The following PCP4 variants were observed in gnomAD, a reference collection of about 807,000 sequenced individuals.
PCP4 encodes Purkinje cell protein 4.
In PCP4, 8 loss-of-function variants were observed where a neutral mutation model predicts 10.0. The observed-to-expected ratio is 0.80, with a 90% CI of 0.47 to 1.45. The LOEUF (loss-of-function observed/expected upper bound fraction) is 1.45. Among genes scored for constraint, PCP4 ranks in the 40% most tolerant of loss-of-function variants. The probability of loss-of-function intolerance (pLI) is 0.00; values close to 1 mark genes in which losing one functional copy is unlikely to be tolerated. For missense variants in PCP4, 54 were observed against 74.4 expected (o/e 0.73, Z 1.01); for synonymous variants, 21 against 23.0 (o/e 0.91, Z 0.24).
At chr21:39,912,553 C>G (rs756959261) in intron 2 of PCP4, among the ~76,000 whole-genome samples, 2 of 152,000 alleles carry the variant, frequency 1.3e-5, no homozygotes, top group Non-Finnish European at 2.9e-5. Flanking sequence ...TCACATTTAA[C>G]CAGGCCCCAT....
At chr21:39,921,581 C>T (rs2087596757) in intron 2 of PCP4, among the ~76,000 whole-genome samples, 1 of 152,296 alleles carries the variant, frequency 6.6e-6, no homozygotes, top group South Asian at 2.1e-4. Context: ...TGAGCCGTGT[C>T]GTCTCCCCAC....
chr21:39,902,651 C>T (rs558650407), intron 2 of PCP4, among the ~76,000 whole-genome samples: 3 of 152,168 alleles, frequency 2.0e-5, no homozygotes, highest in African/African-American at 7.2e-5. Flanking sequence ...CACACTCAAA[C>T]CCGATGTTTC....
chr21:39,881,712 A>G (rs913882681), intron 1 of PCP4, among the ~76,000 whole-genome samples: 8 of 152,202 alleles, frequency 5.3e-5, no homozygotes, highest in African/African-American at 1.9e-4. Context: ...TTGCTTTAAA[A>G]TAAGAGAGGG....
chr21:39,927,323 A>ATCATCTATCTATCTG (rs1568863776), intron 2 of PCP4, among the ~76,000 whole-genome samples: 1 of 28,228 alleles, frequency 3.5e-5, no homozygotes, highest in African/African-American at 1.2e-4. Flanking sequence ...TCTATCTATC[A>ATCATCTATCTATCTG]TCTATCTATC....
At chr21:39,895,554 C>A (rs756695900) in intron 1 of PCP4, among the ~76,000 whole-genome samples, 4 of 152,246 alleles carry the variant, frequency 2.6e-5, no homozygotes, top group Non-Finnish European at 5.9e-5. Context: ...CCAGAGCCAG[C>A]TTCTTGGGGG....
chr21:39,875,465 C>G (rs528420450), intron 1 of PCP4, among the ~76,000 whole-genome samples: 1 of 152,316 alleles, frequency 6.6e-6, no homozygotes, highest in East Asian at 1.9e-4. Context: ...GATCATAACT[C>G]TGCATCTTCC....
chr21:39,887,821 A>AAACAGG (rs2087408046), intron 1 of PCP4, among the ~76,000 whole-genome samples: 1 of 152,194 alleles, frequency 6.6e-6, no homozygotes, highest in African/African-American at 2.4e-5. Flanking sequence ...GTTTCTTTAT[A>AAACAGG]AACAGGGTGA....
intron 1 of PCP4, among the ~76,000 whole-genome samples, chr21:39,891,993 G>A (rs1303932027): frequency 6.6e-6 from 1 of 152,216 alleles, no homozygotes; most frequent in Non-Finnish European, 1.5e-5. Context: ...CTGCAGGCAG[G>A]CCTGGATAAT....
chr21:39,926,388 C>T (rs538637120), intron 2 of PCP4, among the ~76,000 whole-genome samples: 7 of 152,062 alleles, frequency 4.6e-5, no homozygotes, highest in African/African-American at 9.7e-5. Context: ...ATAATATTGC[C>T]GCTTTCTTCC....
chr21:39,919,385 T>C (rs1409223286), intron 2 of PCP4, among the ~76,000 whole-genome samples: 1 of 152,242 alleles, frequency 6.6e-6, no homozygotes, highest in East Asian at 1.9e-4. Flanking sequence ...AATACCCCAA[T>C]TGCAAGGCAT....
chr21:39,875,892 C>G (rs1019179297), intron 1 of PCP4, among the ~76,000 whole-genome samples: 7 of 151,940 alleles, frequency 4.6e-5, no homozygotes, highest in Non-Finnish European at 8.8e-5. Flanking sequence ...TTCCAATAGA[C>G]TTTTTGGTAA....
At chr21:39,880,130 G>GTATCTATATCTA (rs57501558) in intron 1 of PCP4, among the ~76,000 whole-genome samples, 8,523 of 141,524 alleles carry the variant, frequency 0.06, 365 homozygotes, top group East Asian at 0.11. Flanking sequence ...ATCTATATCT[G>GTATCTATATCTA]TATCTATATC....
At chr21:39,876,594 C>T (rs568833926) in intron 1 of PCP4, among the ~76,000 whole-genome samples, 1 of 152,318 alleles carries the variant, frequency 6.6e-6, no homozygotes, top group East Asian at 1.9e-4. Context: ...GGCAGTGTGT[C>T]TGGGACAATC....
chr21:39,882,637 G>A (rs547204488), intron 1 of PCP4, among the ~76,000 whole-genome samples: 5 of 152,338 alleles, frequency 3.3e-5, no homozygotes, highest in African/African-American at 1.2e-4. Context: ...GGACAGGCAG[G>A]CATCCTTAGT....
intron 1 of PCP4, among the ~76,000 whole-genome samples, chr21:39,895,719 GA>G (rs2087453723): frequency 6.6e-6 from 1 of 152,214 alleles, no homozygotes; most frequent in African/African-American, 2.4e-5. Flanking sequence ...GATGGTGCTT[GA>G]GCGCCCTTGA....
At chr21:39,912,707 C>A (rs945831478) in intron 2 of PCP4, among the ~76,000 whole-genome samples, 1 of 152,024 alleles carries the variant, frequency 6.6e-6, no homozygotes, top group African/African-American at 2.4e-5. Flanking sequence ...TTAATTTAAT[C>A]TATTTTTATT....
At chr21:39,873,423 ATAAT>A (rs1471685785) in intron 1 of PCP4, among the ~76,000 whole-genome samples, 1 of 152,154 alleles carries the variant, frequency 6.6e-6, no homozygotes, top group Non-Finnish European at 1.5e-5. Context: ...ATTAAAATAA[ATAAT>A]TGATATTTGA....
intron 1 of PCP4, among the ~76,000 whole-genome samples, chr21:39,882,466 G>A (rs983652690): frequency 1.3e-5 from 2 of 152,148 alleles, no homozygotes; most frequent in African/African-American, 4.8e-5. Flanking sequence ...AGGACTGGGG[G>A]AATGGAAAGC....
chr21:39,868,567 C>T (rs1162417412), intron 1 of PCP4, among the ~76,000 whole-genome samples: 2 of 152,308 alleles, frequency 1.3e-5, no homozygotes, highest in East Asian at 1.9e-4. Flanking sequence ...TGGGAATTCT[C>T]CCACCACCAC....
Sources: gnomAD v4.1 joint callset for allele counts (sites outside exome capture counted in the v4.1 genomes callset) on GRCh38, gnomAD v4.1.1 for gene constraint, MANE v1.5 for transcripts, NCBI Gene and HGNC (gene_info 2026-07-23, HGNC 2026-07-21) for gene names.